The following ATP9A variants were observed in gnomAD, a reference collection of about 807,000 sequenced individuals.
The protein encoded by ATP9A is probable phospholipid-transporting ATPase IIA.
ATP9A carries 52 observed loss-of-function variants against 144.1 expected under a neutral mutation model. That is an observed-to-expected ratio of 0.36 (90% CI 0.29 to 0.45). The LOEUF (loss-of-function observed/expected upper bound fraction) is 0.45. ATP9A is among the 20% of genes least tolerant of loss of function. The pLI is 1.00. For synonymous variants in ATP9A, 582 were observed against 557.4 expected (o/e 1.04, Z -0.62); for missense variants, 947 against 1,392.7 (o/e 0.68, Z 5.09).
rs773227697 is a variant in ATP9A at position 51,629,087 on chromosome 20, C to T, written c.1669-15G>A. 6.2e-7 allele frequency: 1 copy of T among 1,601,460 alleles called. No homozygotes were observed. The highest frequency in any genetic ancestry group is 8.6e-7 in the Non-Finnish European group (1 of 1,168,766). Reference sequence around the variant, plus strand: ...GTTGATTCATCCTAGAGAGGGAGGCCGGAAGGAATGAGAAACTGAAAGGAA... The same window carrying T: ...GTTGATTCATCCTAGAGAGGGAGGCTGGAAGGAATGAGAAACTGAAAGGAA... On this transcript the variant is annotated splice_polypyrimidine_tract_variant and intron_variant, in intron 15 of 27. Transcript: ENST00000338821.
At chr20:51,751,855 TG>T (rs1256293878) in intron 1 of ATP9A, among the ~76,000 whole-genome samples, 1 of 152,132 alleles carries the variant, frequency 6.6e-6, no homozygotes, top group African/African-American at 2.4e-5. Context: ...CCCAAAGTGC[TG>T]GGATTATAGG....
chr20:51,686,436 CACAA>C (rs1202852785), intron 9 of ATP9A, among the ~76,000 whole-genome samples: 4 of 150,528 alleles, frequency 2.7e-5, no homozygotes, highest in Non-Finnish European at 5.9e-5. Flanking sequence ...TAAAGCCCAT[CACAA>C]ACAAAAACAA....
chr20:51,653,919 T>C (rs533052803), intron 14 of ATP9A, among the ~76,000 whole-genome samples: 50 of 152,264 alleles, frequency 3.3e-4, no homozygotes, highest in African/African-American at 1.1e-3. Context: ...TCCAAGTCCA[T>C]AGCTACCAAA....
At position 51,609,413 on chromosome 20, in the gene ATP9A, C is replaced by T. The variant is rs6091341; in HGVS notation, c.2636+688G>A. On this transcript the variant is annotated intron_variant, in intron 24 of 27. Coordinates refer to ENST00000338821, the MANE Select transcript of ATP9A (RefSeq NM_006045.3). ...CCAGAGCGCAGCTGACCTTCCCGCA[C>T]CCGCCGTCTCCTCATAACCAGAAGT... 8.2e-3 allele frequency among the ~76,000 whole-genome samples: 1,254 copies of T among 152,252 alleles called. 19 individuals carry two copies. Among genetic ancestry groups the T allele is most frequent in the African/African-American group, 0.029 (1,195 of 41,516 alleles).
chr20:51,612,441 T>C (rs981796923), intron 23 of ATP9A, among the ~76,000 whole-genome samples: 2 of 152,238 alleles, frequency 1.3e-5, no homozygotes, highest in Non-Finnish European at 2.9e-5. Context: ...GTTGTTGTTT[T>C]TGAGATGGAG....
At chr20:51,755,919 A>C (rs922221329) in intron 1 of ATP9A, among the ~76,000 whole-genome samples, 6 of 151,790 alleles carry the variant, frequency 4.0e-5, no homozygotes, top group African/African-American at 9.7e-5. Context: ...CGTGCCACTG[A>C]ACTCCAGCCT....
intron 15 of ATP9A, among the ~76,000 whole-genome samples, chr20:51,635,826 G>GGAAGGAAGGAAGGAAGGAAAGAAGGA (rs1193048703): frequency 2.1e-5 from 1 of 46,830 alleles, no homozygotes; most frequent in African/African-American, 8.8e-5. Context: ...GGAAGGAAGG[G>GGAAGGAAGGAAGGAAGGAAAGAAGGA]AGGGAGGGAG....
chr20:51,713,133 C>T lies in ATP9A; in HGVS notation c.328-59G>A, dbSNP rs1269974996. On this transcript the variant is annotated intron_variant, in intron 3 of 27. Coordinates refer to ENST00000338821, the MANE Select transcript of ATP9A (RefSeq NM_006045.3). ...GGCAGTGAGCCCTGCTGCAGCCAAC[C>T]GTCCCCTCCTGGTGCCAGGGGCAGG... The T allele has an allele frequency of 1.2e-5, 18 of 1,490,910 alleles. No individual in the cohort carries two copies. In the South Asian group the frequency reaches 1.4e-4, roughly 12 times the overall value. 92.4% of individuals were successfully genotyped at this position (1,490,910 alleles called of 1,614,324 possible). A position where few individuals can be genotyped will look rare whatever the true frequency, so the allele number is the denominator to read the frequency against.
chr20:51,603,759 A>G (rs758838664), intron 27 of ATP9A, among the ~76,000 whole-genome samples: 1 of 133,774 alleles, frequency 7.5e-6, no homozygotes, highest in Non-Finnish European at 1.6e-5. Flanking sequence ...CTACATTCCC[A>G]TAACATTTTT....
intron 1 of ATP9A, among the ~76,000 whole-genome samples, chr20:51,760,790 C>T (rs371950262): frequency 8.1e-4 from 123 of 151,152 alleles, no homozygotes; most frequent in African/African-American, 2.8e-3. Context: ...TTTGGGAGGC[C>T]GAGGCAGGCG....
At chr20:51,728,682 C>T (rs994500799) in intron 2 of ATP9A, among the ~76,000 whole-genome samples, 1 of 151,770 alleles carries the variant, frequency 6.6e-6, no homozygotes, top group African/African-American at 2.4e-5. Context: ...AGGAGCATGG[C>T]TTGAGCCCAG....
intron 13 of ATP9A, among the ~76,000 whole-genome samples, chr20:51,665,787 T>C (rs2077430468): frequency 6.6e-6 from 1 of 152,146 alleles, no homozygotes; most frequent in Admixed American, 6.5e-5. Context: ...CACAAGTCCT[T>C]AGCTGGTTAT....
intron 19 of ATP9A, among the ~76,000 whole-genome samples, chr20:51,620,821 G>A (rs567863115): frequency 3.9e-5 from 6 of 152,272 alleles, no homozygotes; most frequent in Non-Finnish European, 8.8e-5. Context: ...TTCAGCCTCA[G>A]GTGGGAATGT....
At position 51,712,266 on chromosome 20, in the gene ATP9A, G is replaced by C. The variant is rs368254924; in HGVS notation, c.436+700C>G. ...TTTTTTTGTATTTTTAGTAGAGACA[G>C]GGTTTCACCATGTTAGCCAGGATGG... On this transcript the variant is annotated intron_variant, in intron 4 of 27. Coordinates refer to ENST00000338821, the MANE Select transcript of ATP9A (RefSeq NM_006045.3). 4.3e-4 allele frequency among the ~76,000 whole-genome samples: 66 copies of C among 152,224 alleles called. No individual in the cohort carries two copies. The East Asian group carries it at 5.4e-3, about 12-fold the overall frequency.
rs769952209 is a variant in ATP9A at position 51,743,396 on chromosome 20, A to ATTTTTTTTTTTTTTTTTT, written c.69-13436_69-13419dup. Among the ~76,000 whole-genome samples the ATTTTTTTTTTTTTTTTTT allele has an allele frequency of 4.5e-5, 4 of 89,856 alleles. 1 individual carries two copies. The highest frequency in any genetic ancestry group is 9.5e-5 in the African/African-American group (2 of 21,118). 58.9% of individuals were successfully genotyped at this position (89,856 alleles called of 152,430 possible). A position where few individuals can be genotyped will look rare whatever the true frequency, so the allele number is the denominator to read the frequency against. On this transcript the variant is annotated intron_variant, in intron 1 of 27. Coordinates refer to ENST00000338821, the MANE Select transcript of ATP9A (RefSeq NM_006045.3). ...GAGATGGGCTGCAAGACCGAAACTG[A>ATTTTTTTTTTTTTTTTTT]TTTTTTTTTTTTTTTTTTTTTGAGA... is the stretch of plus-strand genomic sequence containing the variant.
intron 4 of ATP9A, among the ~76,000 whole-genome samples, chr20:51,708,881 C>T (rs1372596382): frequency 6.6e-6 from 1 of 152,072 alleles, no homozygotes; most frequent in Non-Finnish European, 1.5e-5. Flanking sequence ...CAAAGAAAAC[C>T]GAGGAGCTCT....
At chr20:51,682,148 T>TA (rs1215545306) in intron 9 of ATP9A, among the ~76,000 whole-genome samples, 1 of 152,086 alleles carries the variant, frequency 6.6e-6, no homozygotes, top group Non-Finnish European at 1.5e-5. Context: ...GTACTATGCT[T>TA]ACTGCCCGGG....
intron 13 of ATP9A, 82 bp downstream of exon 13, chr20:51,669,915 G>A (rs1445485403): frequency 6.4e-6 from 6 of 931,346 alleles, no homozygotes; most frequent in South Asian, 1.3e-5. Flanking sequence ...GAATTGTACG[G>A]TATTGTGAAT....
At chr20:51,760,787 G>A (rs1041763805) in intron 1 of ATP9A, among the ~76,000 whole-genome samples, 16 of 150,830 alleles carry the variant, frequency 1.1e-4, no homozygotes, top group African/African-American at 3.4e-4. Context: ...CACTTTGGGA[G>A]GCCGAGGCAG....
Sources: allele counts gnomAD v4.1 joint callset (sites outside exome capture counted in the v4.1 genomes callset), GRCh38; gene constraint gnomAD v4.1.1; transcripts MANE v1.5; gene names NCBI Gene and HGNC (gene_info 2026-07-23, HGNC 2026-07-21).